The following TMEM182 variants were observed in gnomAD, a reference collection of about 807,000 sequenced individuals.
TMEM182 encodes transmembrane protein 182.
A neutral mutation model predicts 26.8 loss-of-function variants in TMEM182; 20 were observed. The observed-to-expected ratio is 0.75, with a 90% confidence interval of 0.53 to 1.09. The LOEUF (loss-of-function observed/expected upper bound fraction) is 1.09, where lower values mean the gene tolerates loss of function less well. Ranked by LOEUF, TMEM182 falls within the 50% of genes least tolerant of loss-of-function variation. The pLI is 0.00. For synonymous variants in TMEM182, 109 were observed against 102.2 expected, an observed-to-expected ratio of 1.07 and a Z score of -0.40; for missense variants, 277 against 275.5, an observed-to-expected ratio of 1.01 and a Z score of -0.04.
At chr2:102,812,520 G>A (rs2732820) in intron 4 of TMEM182, among the ~76,000 whole-genome samples, 45,851 of 151,948 alleles carry the variant, frequency 0.3, 7,136 homozygotes, top group South Asian at 0.42. Context: ...AGACTATAGT[G>A]ATAGAAATGA....
intron 3 of TMEM182, among the ~76,000 whole-genome samples, chr2:102,842,170 C>A (rs1301225465): frequency 6.6e-6 from 1 of 152,172 alleles, no homozygotes; most frequent in Non-Finnish European, 1.5e-5. Flanking sequence ...CTGCTCCCCC[C>A]TGCAATGACT....
intron 3 of TMEM182, among the ~76,000 whole-genome samples, chr2:102,769,767 A>G (rs1680599547): frequency 6.6e-6 from 1 of 152,234 alleles, no homozygotes; most frequent in African/African-American, 2.4e-5. Flanking sequence ...TTATTGTGCC[A>G]TACTATAAAA....
rs1682746379 is a variant in TMEM182 at position 102,816,334 on chromosome 2, G to A, written c.*1366G>A. The A allele has an allele frequency of 1.0e-6, 1 of 985,226 alleles. No individual in the cohort carries two copies. Among genetic ancestry groups the A allele is most frequent in the South Asian group, 4.7e-5 (1 of 21,266 alleles). 61.0% of individuals were successfully genotyped at this position (985,226 alleles called of 1,614,324 possible). A position where few individuals can be genotyped will look rare whatever the true frequency, so the allele number is the denominator to read the frequency against. ...CAAAAAAAGTCACCACCCAGAAGATGCTCTGGGATAGAGGAACTGCTCCTT... is the reference window on the plus strand; with the variant it reads ...CAAAAAAAGTCACCACCCAGAAGATACTCTGGGATAGAGGAACTGCTCCTT... On this transcript the variant is annotated 3_prime_UTR_variant, in exon 5 of 5. Coordinates refer to ENST00000412401, the MANE Select transcript of TMEM182 (RefSeq NM_144632.5).
intron 1 of TMEM182, among the ~76,000 whole-genome samples, chr2:102,749,057 G>A (rs1679799563): frequency 1.3e-5 from 2 of 152,262 alleles, no homozygotes; most frequent in Admixed American, 6.5e-5. Flanking sequence ...GATAAATTTA[G>A]TACCCTAAAA....
At chr2:102,818,037 A>T (rs1682812079), downstream of TMEM182, among the ~76,000 whole-genome samples, 1 of 152,194 alleles carries the variant, frequency 6.6e-6, no homozygotes, top group Non-Finnish European at 1.5e-5. Flanking sequence ...CAGATATTGG[A>T]TACCAGTAAA....
chr2:102,753,732 A>C (rs1319053213), intron 1 of TMEM182, among the ~76,000 whole-genome samples: 1 of 152,194 alleles, frequency 6.6e-6, no homozygotes, highest in Non-Finnish European at 1.5e-5. Context: ...GTTGGAATGC[A>C]AATTTTGCCT....
chr2:102,773,379 G>T (rs1317326576), intron 3 of TMEM182, among the ~76,000 whole-genome samples: 1 of 151,908 alleles, frequency 6.6e-6, no homozygotes, highest in Non-Finnish European at 1.5e-5. Context: ...TAAGAGCTCT[G>T]TAATGTGGCC....
chr2:102,780,109 C>T (rs930828584), intron 3 of TMEM182, among the ~76,000 whole-genome samples: 2 of 149,378 alleles, frequency 1.3e-5, no homozygotes, highest in Non-Finnish European at 3.0e-5. Context: ...ATTTCATCAT[C>T]TCTGACATCT....
intron 3 of TMEM182, among the ~76,000 whole-genome samples, chr2:102,822,982 G>A (rs1044793825): frequency 6.6e-6 from 1 of 152,198 alleles, no homozygotes; most frequent in Admixed American, 6.5e-5. Context: ...TCCAGCATCA[G>A]GTGTTGGGGT....
chr2:102,767,507 C>T (rs1424770504), intron 3 of TMEM182, among the ~76,000 whole-genome samples: 1 of 152,138 alleles, frequency 6.6e-6, no homozygotes, highest in African/African-American at 2.4e-5. Flanking sequence ...AATGAATTTT[C>T]AAGACAATTC....
chr2:102,771,276 A>G (rs1255394612), intron 3 of TMEM182, among the ~76,000 whole-genome samples: 1 of 152,208 alleles, frequency 6.6e-6, no homozygotes, highest in Non-Finnish European at 1.5e-5. Context: ...TTGGGATCAC[A>G]CAGCCATCAC....
intron 3 of TMEM182, among the ~76,000 whole-genome samples, chr2:102,767,186 A>G (rs575731703): frequency 1.6e-4 from 25 of 152,336 alleles, no homozygotes; most frequent in Non-Finnish European, 3.2e-4. Context: ...TTCTACCTTT[A>G]TATTCAATTC....
intron 4 of TMEM182, among the ~76,000 whole-genome samples, chr2:102,810,042 G>A (rs1450924065): frequency 6.6e-6 from 1 of 152,078 alleles, no homozygotes; most frequent in Non-Finnish European, 1.5e-5. Flanking sequence ...CTCAAGTTGT[G>A]AAAGCCCATT....
rs1423033565 is a variant in TMEM182, at chr2:102,762,059, G to A, written c.-159G>A. 1 of 610,844 alleles carries A rather than the reference G, an allele frequency of 1.6e-6. No individual in the cohort carries two copies. The highest frequency in any genetic ancestry group is 1.9e-5 in the African/African-American group (1 of 53,414). 37.8% of individuals were successfully genotyped at this position (610,844 alleles called of 1,614,324 possible). A position where few individuals can be genotyped will look rare whatever the true frequency, so the allele number is the denominator to read the frequency against. ...TCTGCCGGTGGGGCGTGAGCGAGAA[G>A]CCACCAAAACATGAGCTAGGACAGC... On this transcript the variant is annotated 5_prime_UTR_variant, in exon 1 of 5. Transcript: ENST00000412401.
At chr2:102,808,631 A>G (rs1280352000) in intron 4 of TMEM182, among the ~76,000 whole-genome samples, 2 of 152,246 alleles carry the variant, frequency 1.3e-5, no homozygotes, top group African/African-American at 4.8e-5. Context: ...AGAACATCAC[A>G]AAACGGTATA....
At chr2:102,821,440 C>G (rs1042284025), downstream of TMEM182, among the ~76,000 whole-genome samples, 12 of 152,104 alleles carry the variant, frequency 7.9e-5, no homozygotes, top group African/African-American at 2.9e-4. Flanking sequence ...TCCTCCCCTA[C>G]TCTCTCTTGC....
chr2:102,834,271 C>T, intron 3 of TMEM182: 1 of 557,316 alleles, frequency 1.8e-6, no homozygotes, highest in Non-Finnish European at 2.3e-6. Context: ...TGATAAACTT[C>T]ATGCACAACA....
chr2:102,834,434 G>T (rs1683205648), intron 3 of TMEM182: 1 of 985,308 alleles, frequency 1.0e-6, no homozygotes, highest in African/African-American at 1.7e-5. Context: ...GGGGATGGAA[G>T]TGAAGTGGAA....
At chr2:102,761,843 T>G (rs1680224402), upstream of TMEM182, 1 of 198,360 alleles carries the variant, frequency 5.0e-6, no homozygotes, top group South Asian at 8.7e-5. Flanking sequence ...TTTCTACTTC[T>G]GTGGATTACC....
Sources: allele counts gnomAD v4.1 joint callset (sites outside exome capture counted in the v4.1 genomes callset), GRCh38; gene constraint gnomAD v4.1.1; transcripts MANE v1.5; gene names NCBI Gene and HGNC (gene_info 2026-07-23, HGNC 2026-07-21).